The following MCC variants were observed in gnomAD, a reference collection of about 807,000 sequenced individuals.
The protein encoded by MCC is MCC regulator of Wnt signaling pathway, also known as colorectal mutant cancer protein.
In MCC, 90 loss-of-function variants were observed where a neutral mutation model predicts 116.2. The ratio of observed to expected loss-of-function variants is 0.77; its 90% CI spans 0.65 to 0.92. The LOEUF is 0.92. Among genes scored for constraint, MCC ranks in the 40% least tolerant of loss-of-function variants. The probability of loss-of-function intolerance (pLI) is 0.00; values close to 1 mark genes in which losing one functional copy is unlikely to be tolerated. For missense variants in MCC, 1,516 were observed against 1,312.2 expected (o/e 1.16, Z -2.40); for synonymous variants, 578 against 510.5 (o/e 1.13, Z -1.78).
intron 17 of MCC, among the ~76,000 whole-genome samples, chr5:113,043,232 T>A (rs1304003054): frequency 6.6e-6 from 1 of 152,214 alleles, no homozygotes; most frequent in Non-Finnish European, 1.5e-5. Flanking sequence ...ACCTCACTAG[T>A]TAACACTGTC....
chr5:113,119,004 T>G lies in MCC; in HGVS notation c.1027+3680A>C, dbSNP rs1757570594. 2.0e-5 allele frequency among the ~76,000 whole-genome samples: 3 copies of G among 152,206 alleles called. 1 individual carries two copies. In the South Asian group the frequency reaches 6.2e-4, roughly 32 times the overall value. ...ATTCTTCCATGCTCCTCCCCGAGGT[T>G]ATCACCAGGGCCACTGCAGGCCTGC... On this transcript the variant is annotated intron_variant, in intron 6 of 18. Transcript: ENST00000408903.
chr5:113,156,952 C>A (rs77115231), intron 3 of MCC, among the ~76,000 whole-genome samples: 5,048 of 152,256 alleles, frequency 0.033, 92 homozygotes, highest in South Asian at 0.052. Flanking sequence ...GTCCAGCCCC[C>A]CTGAGCCCAG....
intron 3 of MCC, among the ~76,000 whole-genome samples, chr5:113,280,300 A>T (rs1459425166): frequency 6.6e-6 from 1 of 152,188 alleles, no homozygotes; most frequent in African/African-American, 2.4e-5. Flanking sequence ...GCTGGTTGAT[A>T]TAAAAGTAGT....
intron 1 of MCC, among the ~76,000 whole-genome samples, chr5:113,485,311 C>G (rs1360164340): frequency 6.6e-6 from 1 of 152,284 alleles, no homozygotes; most frequent in East Asian, 1.9e-4. Flanking sequence ...TGTGGATTAT[C>G]ATGGGATGGG....
rs1482024770 is a variant in MCC at position 113,469,754 on chromosome 5, G to A, written c.170+18491C>T. 1.1e-4 allele frequency among the ~76,000 whole-genome samples: 17 copies of A among 152,204 alleles called. No homozygotes were observed. The South Asian group carries it at 1.7e-3, about 15-fold the overall frequency. On this transcript the variant is annotated intron_variant, in intron 1 of 18. Transcript: ENST00000408903. Reference sequence around the variant, plus strand: ...GGTATCCTTGTTAACTTTCTGTCTCGTTGATCTGTCTAATGTTGACAGTGG... The same window carrying A: ...GGTATCCTTGTTAACTTTCTGTCTCATTGATCTGTCTAATGTTGACAGTGG...
At chr5:113,225,745 T>A (rs1265677391) in intron 3 of MCC, among the ~76,000 whole-genome samples, 2 of 152,112 alleles carry the variant, frequency 1.3e-5, no homozygotes, top group Non-Finnish European at 2.9e-5. Context: ...CTCACAGGCA[T>A]CCCAGGAAGC....
chr5:113,326,547 CT>C (rs1375118148), intron 3 of MCC, among the ~76,000 whole-genome samples: 1 of 152,174 alleles, frequency 6.6e-6, no homozygotes, highest in Non-Finnish European at 1.5e-5. Context: ...ATCCTCATTA[CT>C]TTATCACTTA....
intron 1 of MCC, among the ~76,000 whole-genome samples, chr5:113,389,587 T>C (rs995738408): frequency 6.6e-6 from 1 of 152,198 alleles, no homozygotes; most frequent in Non-Finnish European, 1.5e-5. Context: ...TGGACTGTAC[T>C]TAACTTTGAT....
intron 1 of MCC, among the ~76,000 whole-genome samples, chr5:113,438,954 G>A (rs188507509): frequency 8.8e-4 from 134 of 152,300 alleles, no homozygotes; most frequent in Non-Finnish European, 1.6e-3. Context: ...GAAGGTGTTA[G>A]AGCTTCCTTG....
At chr5:113,346,379 C>T (rs1364832552) in intron 2 of MCC, among the ~76,000 whole-genome samples, 4 of 152,070 alleles carry the variant, frequency 2.6e-5, no homozygotes, top group South Asian at 4.2e-4. Flanking sequence ...AGGTGGATCA[C>T]CTGAGGTCAG....
At chr5:113,261,002 C>T (rs572278219) in intron 3 of MCC, among the ~76,000 whole-genome samples, 21 of 152,016 alleles carry the variant, frequency 1.4e-4, no homozygotes, top group Admixed American at 3.3e-4. Context: ...TAGGATATAC[C>T]TTTGTGATGA....
At chr5:113,456,036 G>C (rs1280881817) in intron 1 of MCC, among the ~76,000 whole-genome samples, 1 of 152,124 alleles carries the variant, frequency 6.6e-6, no homozygotes, top group Non-Finnish European at 1.5e-5. Flanking sequence ...TGTAATATTT[G>C]ATATACACAA....
chr5:113,028,867 A>G (rs1750758284), intron 18 of MCC, 67 bp downstream of exon 18: 1 of 1,562,794 alleles, frequency 6.4e-7, no homozygotes. Context: ...CTGTGTCTAC[A>G]TGCAGGGTGT....
At chr5:113,199,228 T>A (rs1246417815) in intron 3 of MCC, among the ~76,000 whole-genome samples, 1 of 151,218 alleles carries the variant, frequency 6.6e-6, no homozygotes, top group Non-Finnish European at 1.5e-5. Flanking sequence ...CAAGGACAGG[T>A]GTTAAGTGTG....
At chr5:113,082,764 A>G in intron 11 of MCC, 96 bp downstream of exon 11, 2 of 1,475,726 alleles carry the variant, frequency 1.4e-6, no homozygotes, top group South Asian at 1.3e-5. Context: ...TCTATGTCAC[A>G]ATACATAAGC....
intron 3 of MCC, among the ~76,000 whole-genome samples, chr5:113,310,199 A>C (rs779122500): frequency 1.1e-4 from 16 of 152,230 alleles, no homozygotes; most frequent in Non-Finnish European, 4.4e-5. Context: ...GCCTTTGGGA[A>C]GGCTCCACTC....
chr5:113,245,435 A>G (rs1764538049), intron 3 of MCC, among the ~76,000 whole-genome samples: 1 of 151,942 alleles, frequency 6.6e-6, no homozygotes, highest in South Asian at 2.1e-4. Context: ...TATTTTAAAT[A>G]TCTCCACAAG....
intron 1 of MCC, among the ~76,000 whole-genome samples, chr5:113,465,524 G>T (rs568264130): frequency 4.1e-4 from 62 of 152,224 alleles, no homozygotes; most frequent in Middle Eastern, 3.4e-3. Flanking sequence ...GACAGTGATA[G>T]ATTTGGCTGC....
intron 3 of MCC, among the ~76,000 whole-genome samples, chr5:113,300,707 C>T (rs1766840725): frequency 2.0e-5 from 3 of 152,114 alleles, no homozygotes; most frequent in African/African-American, 2.4e-5. Flanking sequence ...CCCACTCTCC[C>T]ACCGCTGTGA....
Sources: gnomAD v4.1 joint callset for allele counts (sites outside exome capture counted in the v4.1 genomes callset) on GRCh38, gnomAD v4.1.1 for gene constraint, MANE v1.5 for transcripts, NCBI Gene and HGNC (gene_info 2026-07-23, HGNC 2026-07-21) for gene names.